REEP1: variants seen among roughly 807,000 people sequenced by gnomAD.
REEP1 encodes receptor expression-enhancing protein 1.
Under a neutral mutation model 40.3 loss-of-function variants are expected in REEP1, and 22 were observed. The ratio of observed to expected loss-of-function variants is 0.55; its 90% CI spans 0.39 to 0.78. The LOEUF is 0.78. Among genes scored for constraint, REEP1 ranks in the 30% least tolerant of loss-of-function variants. The pLI is 0.00. For missense variants in REEP1, 280 were observed against 361.1 expected (o/e 0.78, Z 1.82); for synonymous variants, 116 against 139.2 (o/e 0.83, Z 1.17).
intron 2 of REEP1, among the ~76,000 whole-genome samples, chr2:86,272,866 T>G (rs1330204346): frequency 6.6e-6 from 1 of 152,156 alleles, no homozygotes; most frequent in Non-Finnish European, 1.5e-5. Flanking sequence ...CTCATGCCAG[T>G]AATCCCCGCA....
intron 6 of REEP1, among the ~76,000 whole-genome samples, chr2:86,227,684 T>C (rs992611129): frequency 1.3e-5 from 2 of 152,076 alleles, no homozygotes; most frequent in Non-Finnish European, 2.9e-5. Context: ...CTCTGGAAAA[T>C]AACTCCAAGC....
chr2:86,290,982 C>T (rs1485004065), intron 1 of REEP1, among the ~76,000 whole-genome samples: 4 of 152,188 alleles, frequency 2.6e-5, no homozygotes, highest in South Asian at 2.1e-4. Flanking sequence ...ATTATTGTGA[C>T]TTATAAGCCA....
intron 1 of REEP1, among the ~76,000 whole-genome samples, chr2:86,310,764 T>C (rs759551490): frequency 4.6e-5 from 7 of 152,042 alleles, no homozygotes; most frequent in Admixed American, 2.0e-4. Flanking sequence ...GTAATAACAA[T>C]GTACGGTGTA....
At position 86,282,353 on chromosome 2, in the gene REEP1, G is replaced by T; in HGVS notation, c.33-111C>A. ...TCTCTAAGCTACAGAAAGTGCTGCT[G>T]TGGGGCTTGATTTATTTTTATGAAT... On this transcript the variant is annotated intron_variant, in intron 1 of 8. Coordinates refer to ENST00000538924, the MANE Select transcript of REEP1 (RefSeq NM_001371279.1). The T allele has an allele frequency of 5.9e-6, 5 of 843,810 alleles. No homozygotes were observed. The South Asian group carries it at 6.7e-5, about 11-fold the overall frequency. The allele number at this position is 843,810 out of a possible 1,614,324, so 52.3% of individuals were successfully genotyped here. A position where few individuals can be genotyped will look rare whatever the true frequency, so the allele number is the denominator to read the frequency against.
intron 1 of REEP1, among the ~76,000 whole-genome samples, chr2:86,301,849 C>G (rs1013163797): frequency 6.6e-5 from 10 of 152,232 alleles, no homozygotes; most frequent in Admixed American, 6.5e-4. Flanking sequence ...GGTTCCCAGG[C>G]AGGTCCAATT....
chr2:86,263,840 A>T, intron 3 of REEP1, 125 bp downstream of exon 3: 1 of 750,540 alleles, frequency 1.3e-6, no homozygotes, highest in Non-Finnish European at 2.4e-6. Flanking sequence ...TCCAGTTAAC[A>T]TCCCTGCTCT....
chr2:86,234,750 A>G (rs1675216319), intron 5 of REEP1, among the ~76,000 whole-genome samples: 1 of 152,226 alleles, frequency 6.6e-6, no homozygotes, highest in African/African-American at 2.4e-5. Flanking sequence ...ACACTGCTCT[A>G]GAGTGATGGT....
intron 1 of REEP1, among the ~76,000 whole-genome samples, chr2:86,294,445 T>C (rs1454022304): frequency 2.0e-5 from 3 of 152,320 alleles, no homozygotes; most frequent in East Asian, 3.9e-4. Flanking sequence ...ATTTAATCCA[T>C]AAAAGATTAC....
chr2:86,333,689 C>A (rs1355386368), intron 1 of REEP1, among the ~76,000 whole-genome samples: 4 of 152,176 alleles, frequency 2.6e-5, no homozygotes, highest in African/African-American at 4.8e-5. Context: ...ACGTTGGTAT[C>A]CCCCCTCCAA....
intron 1 of REEP1, among the ~76,000 whole-genome samples, chr2:86,330,632 G>A (rs1030123686): frequency 6.6e-5 from 10 of 151,550 alleles, no homozygotes; most frequent in African/African-American, 9.7e-5. Flanking sequence ...TTTTTGTAGA[G>A]ATGGGGTTTT....
At chr2:86,238,111 G>A (rs1675460616) in intron 5 of REEP1, among the ~76,000 whole-genome samples, 1 of 152,196 alleles carries the variant, frequency 6.6e-6, no homozygotes, top group Non-Finnish European at 1.5e-5. Context: ...AACCCGGGAG[G>A]CAGAGGTTGA....
intron 1 of REEP1, among the ~76,000 whole-genome samples, chr2:86,310,238 G>A (rs909158615): frequency 2.6e-5 from 4 of 152,150 alleles, no homozygotes; most frequent in Non-Finnish European, 5.9e-5. Context: ...GGCTGGACTT[G>A]CTCAGAGCAT....
Position 86,337,437 on chromosome 2 carries a change from G to T in REEP1, c.32+42C>A. ...GCGCGCAGCCCGGGGCCGGGGGCGG[G>T]GAGGGAGGGGACGGAGGGGCGCGGG... On this transcript the variant is annotated intron_variant, in intron 1 of 8. Transcript: ENST00000538924. This position sits in a 1 kb window ranked among gnomAD's most constrained non-coding sequence, Gnocchi z 5.8. The T allele has an allele frequency of 1.6e-6, 2 of 1,213,268 alleles. No individual in the cohort carries two copies. The highest frequency in any genetic ancestry group is 2.1e-6 in the Non-Finnish European group (2 of 965,990). 75.2% of individuals were successfully genotyped at this position (1,213,268 alleles called of 1,614,324 possible).
chr2:86,223,318 G>C (rs1674522757), intron 7 of REEP1, among the ~76,000 whole-genome samples: 1 of 152,190 alleles, frequency 6.6e-6, no homozygotes, highest in Non-Finnish European at 1.5e-5. Context: ...GAGCCTCTCA[G>C]CCCTTTAAAG....
chr2:86,245,038 C>T (rs914033659), intron 5 of REEP1, among the ~76,000 whole-genome samples: 6 of 152,030 alleles, frequency 3.9e-5, no homozygotes, highest in Non-Finnish European at 8.8e-5. Flanking sequence ...CCCAGCTACT[C>T]GGGAGGCTGA....
intron 1 of REEP1, among the ~76,000 whole-genome samples, chr2:86,327,247 T>G (rs1313776342): frequency 1.3e-5 from 2 of 152,224 alleles, no homozygotes; most frequent in Non-Finnish European, 2.9e-5. Flanking sequence ...TCTTATATTT[T>G]CACTTCTTTG....
chr2:86,265,627 C>A (rs765900814), intron 2 of REEP1, among the ~76,000 whole-genome samples: 2 of 152,090 alleles, frequency 1.3e-5, no homozygotes, highest in Non-Finnish European at 2.9e-5. Flanking sequence ...AAAATCATGT[C>A]TTTTGCAGCA....
intron 5 of REEP1, among the ~76,000 whole-genome samples, chr2:86,239,183 T>C (rs1048358896): frequency 1.9e-4 from 23 of 123,864 alleles, no homozygotes; most frequent in Non-Finnish European, 3.4e-4. Context: ...ACAGTGTGCA[T>C]GATGCTGACC....
At chr2:86,259,451 T>TC (rs1676741605) in intron 3 of REEP1, among the ~76,000 whole-genome samples, 2 of 151,744 alleles carry the variant, frequency 1.3e-5, no homozygotes, top group South Asian at 4.2e-4. Flanking sequence ...AGTGGTGCGA[T>TC]CTTAGCTCAC....
Sources: gnomAD v4.1 joint callset for allele counts (sites outside exome capture counted in the v4.1 genomes callset) on GRCh38, gnomAD v4.1.1 for gene constraint, Gnocchi (gnomAD v3.1) non-coding constraint, MANE v1.5 for transcripts, NCBI Gene and HGNC (gene_info 2026-07-23, HGNC 2026-07-21) for gene names.